SLCO6A1: variants seen among roughly 807,000 people sequenced by gnomAD.
SLCO6A1 encodes the protein cancer/testis antigen 48.
In SLCO6A1, 65 loss-of-function variants were observed where a neutral mutation model predicts 72.7. The ratio of observed to expected loss-of-function variants is 0.89; its 90% CI spans 0.73 to 1.10. The LOEUF is 1.10. Among genes scored for constraint, SLCO6A1 ranks in the 50% least tolerant of loss-of-function variants. SLCO6A1 has a pLI of 0.00. For synonymous variants in SLCO6A1, 314 were observed against 298.2 expected (o/e 1.05, Z -0.55); for missense variants, 874 against 872.6 (o/e 1.00, Z -0.02).
Position 102,388,716 on chromosome 5 carries a change from T to G in SLCO6A1, c.1989A>C (p.Thr663=). The G allele has an allele frequency of 6.3e-7, 1 of 1,586,068 alleles. No individual in the cohort carries two copies. The highest frequency in any genetic ancestry group is 1.2e-5 in the South Asian group (1 of 85,210). ...HTGRCWIYNK[T]KMAFLLVGIC... ...TTCCTACCAATAAGAAAGCCATTTT[T>G]GTCTTGTTATATATCCAACAACGTC... The change falls in exon 12 of 14, where the codon ACA becomes ACC. Residue 663 remains threonine, a synonymous_variant. Coordinates refer to ENST00000506729, the MANE Select transcript of SLCO6A1 (RefSeq NM_173488.5).
chr5:102,437,481 T>A (rs181267616), intron 7 of SLCO6A1, among the ~76,000 whole-genome samples: 14 of 152,104 alleles, frequency 9.2e-5, no homozygotes, highest in Non-Finnish European at 1.9e-4. Context: ...AATCCATTGA[T>A]AATAGCCTTA....
At position 102,438,722 on chromosome 5, in the gene SLCO6A1, A is replaced by T. The variant is rs1255591164; in HGVS notation, c.1171T>A (p.Ser391Thr). Reference protein sequence around the residue: ...KNPVLICLALSKATEYLVIIG... With the variant: ...KNPVLICLALTKATEYLVIIG... ...ATAACTAAATATTCTGTAGCTTTTG[A>T]CAGAGCTAGGCATATGAGCACTGGA... is the stretch of plus-strand genomic sequence containing the variant. The change falls in exon 7 of 14, where the codon TCA becomes ACA. Residue 391 changes from serine (S) to threonine (T), a missense_variant. Coordinates refer to ENST00000506729, the MANE Select transcript of SLCO6A1 (RefSeq NM_173488.5). The T allele has an allele frequency of 1.3e-6, 2 of 1,591,110 alleles. No homozygotes were observed. Among genetic ancestry groups the T allele is most frequent in the Non-Finnish European group, 1.7e-6 (2 of 1,170,632 alleles).
intron 8 of SLCO6A1, 82 bp from the exon 9 acceptor site, chr5:102,413,225 A>G: frequency 1.5e-6 from 2 of 1,297,938 alleles, no homozygotes; most frequent in South Asian, 1.5e-5. Flanking sequence ...AGTGAGATCC[A>G]TAAAATATGC....
rs949775667 is a variant in SLCO6A1, at chr5:102,498,897, G to A, written c.-53C>T. On this transcript the variant is annotated 5_prime_UTR_variant, in exon 1 of 14. In the 5' UTR this introduces an upstream ATG that the reference lacks. Transcript: ENST00000506729. ...GCGGCCCGAGTGCTCTCGGCTGCCC[G>A]TCCTGCCTGGGCCAACCCAAAGGCC... The A allele has an allele frequency of 2.0e-6, 3 of 1,515,794 alleles. No individual in the cohort carries two copies. The African/African-American group carries it at 4.1e-5, about 21-fold the overall frequency. The allele number at this position is 1,515,794 out of a possible 1,614,324, so 93.9% of individuals were successfully genotyped here.
chr5:102,416,381 A>G (rs978161518), intron 8 of SLCO6A1, among the ~76,000 whole-genome samples: 3 of 152,060 alleles, frequency 2.0e-5, no homozygotes, highest in Non-Finnish European at 4.4e-5. Flanking sequence ...ACACACGTTG[A>G]ATACTATTTA....
chr5:102,468,698 C>A (rs1018546548), intron 4 of SLCO6A1, among the ~76,000 whole-genome samples: 1 of 151,956 alleles, frequency 6.6e-6, no homozygotes, highest in Admixed American at 6.6e-5. Context: ...TTCTTCTACC[C>A]TTTTACTTTA....
Position 102,438,721 on chromosome 5 carries a change from G to A in SLCO6A1, c.1172C>T (p.Ser391Leu). 6.3e-7 allele frequency: 1 copy of A among 1,590,442 alleles called. No homozygotes were observed. The highest frequency in any genetic ancestry group is 8.5e-7 in the Non-Finnish European group (1 of 1,170,230). Residue 391 changes from serine to leucine, a missense_variant, in exon 7 of 14, where the codon TCA becomes TTA. Transcript: ENST00000506729. The part of the protein sequence containing the change: ...KNPVLICLAL[S>L]KATEYLVIIG... The stretch of plus-strand genomic sequence containing the variant: ...AATAACTAAATATTCTGTAGCTTTT[G>A]ACAGAGCTAGGCATATGAGCACTGG...
intron 7 of SLCO6A1, among the ~76,000 whole-genome samples, chr5:102,430,868 G>A (rs1016309198): frequency 2.6e-5 from 4 of 152,074 alleles, no homozygotes; most frequent in Non-Finnish European, 5.9e-5. Flanking sequence ...TAGTAGTAAT[G>A]ACACCAGCTC....
intron 6 of SLCO6A1, among the ~76,000 whole-genome samples, chr5:102,454,661 C>CTT (rs149894194): frequency 6.8e-6 from 1 of 147,174 alleles, no homozygotes; most frequent in African/African-American, 2.5e-5. Flanking sequence ...AATTGGCTTG[C>CTT]TTTTTTTTTT....
intron 3 of SLCO6A1, among the ~76,000 whole-genome samples, chr5:102,476,487 A>T (rs970006792): frequency 1.3e-5 from 2 of 152,146 alleles, no homozygotes; most frequent in Non-Finnish European, 2.9e-5. Flanking sequence ...AGTTTTGCTC[A>T]AAATCTGCTG....
rs1189742853 is a variant in SLCO6A1 at position 102,421,678 on chromosome 5, G to T, written c.1277-1657C>A. On this transcript the variant is annotated intron_variant, in intron 7 of 13. Coordinates refer to ENST00000506729, the MANE Select transcript of SLCO6A1 (RefSeq NM_173488.5). ...TGGGACAGAGCACCTGGGGGAAGGG[G>T]TGGCTGCGGGTGCAGCTTCAGCAGA... 2.0e-5 allele frequency among the ~76,000 whole-genome samples: 3 copies of T among 152,286 alleles called. No homozygotes were observed. The East Asian group carries it at 5.8e-4, about 30-fold the overall frequency.
At chr5:102,453,030 T>G (rs1448623692) in intron 6 of SLCO6A1, among the ~76,000 whole-genome samples, 1 of 152,208 alleles carries the variant, frequency 6.6e-6, no homozygotes, top group Non-Finnish European at 1.5e-5. Flanking sequence ...TTTTTAGTTT[T>G]ATTATTTTCC....
intron 8 of SLCO6A1, among the ~76,000 whole-genome samples, chr5:102,414,924 TA>T (rs1554068417): frequency 0.038 from 5,817 of 151,270 alleles, 169 homozygotes; most frequent in East Asian, 0.075. Flanking sequence ...AATAAATAAA[TA>T]AATAAATAAA....
rs752032324 is a variant in SLCO6A1 at position 102,420,023 on chromosome 5, T to TA, written c.1277-3dup. On this transcript the variant is annotated splice_polypyrimidine_tract_variant and splice_region_variant and intron_variant, in intron 7 of 13. Transcript: ENST00000506729. ...CACCTCCTGGAATTAAAACAAGTCC[T>TA]AAAAAAAAGGAGGAGAAAAACACAG... 70 of 1,557,136 alleles carry TA rather than the reference T, an allele frequency of 4.5e-5. No homozygotes were observed. The highest frequency in any genetic ancestry group is 2.3e-4 in the Admixed American group (10 of 43,716).
At chr5:102,482,447 A>C (rs1561498098) in intron 1 of SLCO6A1, among the ~76,000 whole-genome samples, 1 of 152,126 alleles carries the variant, frequency 6.6e-6, no homozygotes, top group Non-Finnish European at 1.5e-5. Context: ...TCGCTCTTCT[A>C]CCCCTTGATC....
chr5:102,398,321 G>A (rs1369088777), intron 10 of SLCO6A1, among the ~76,000 whole-genome samples: 1 of 151,966 alleles, frequency 6.6e-6, no homozygotes, highest in Admixed American at 6.6e-5. Context: ...GGGATTACAG[G>A]CCCTCTTCAC....
chr5:102,377,213 A>ACACTC (rs1156862842), intron 12 of SLCO6A1, among the ~76,000 whole-genome samples: 2 of 152,114 alleles, frequency 1.3e-5, no homozygotes, highest in African/African-American at 4.8e-5. Context: ...AACACTGTAA[A>ACACTC]CACTCCAAGT....
chr5:102,457,438 A>G (rs146755919), intron 6 of SLCO6A1, among the ~76,000 whole-genome samples: 32,288 of 151,624 alleles, frequency 0.21, 4,509 homozygotes, highest in Non-Finnish European at 0.28. Flanking sequence ...AAAAGTGGGC[A>G]AAGGATATGA....
chr5:102,374,254 C>T (rs1436075711), intron 12 of SLCO6A1, among the ~76,000 whole-genome samples: 1 of 152,078 alleles, frequency 6.6e-6, no homozygotes, highest in Non-Finnish European at 1.5e-5. Flanking sequence ...GATCTCCTTG[C>T]CTTCAAATCC....
Sources: gnomAD v4.1 joint callset for allele counts (sites outside exome capture counted in the v4.1 genomes callset) on GRCh38, gnomAD v4.1.1 for gene constraint, MANE v1.5 for transcripts, NCBI Gene and HGNC (gene_info 2026-07-23, HGNC 2026-07-21) for gene names.